Variants in VTCN1 observed in about 807,000 individuals in gnomAD.
VTCN1 encodes V-set domain-containing T-cell activation inhibitor 1.
In VTCN1, 26 loss-of-function variants were observed where a neutral mutation model predicts 26.5. The observed-to-expected ratio is 0.98, with a 90% CI of 0.72 to 1.36. The LOEUF (loss-of-function observed/expected upper bound fraction) is 1.36. VTCN1 is among the 40% of genes most tolerant of loss of function. The probability of loss-of-function intolerance (pLI) is 0.00; values close to 1 mark genes in which losing one functional copy is unlikely to be tolerated. For missense variants in VTCN1, 298 were observed against 337.7 expected (o/e 0.88, Z 0.92); for synonymous variants, 116 against 130.7 (o/e 0.89, Z 0.77).
At chr1:117,162,564 G>T (rs896193320) in intron 2 of VTCN1, among the ~76,000 whole-genome samples, 4 of 152,114 alleles carry the variant, frequency 2.6e-5, no homozygotes, top group African/African-American at 9.7e-5. Flanking sequence ...TATTGATAGA[G>T]AATTCTATTA....
chr1:117,196,563 G>A (rs1648523476), intron 1 of VTCN1, among the ~76,000 whole-genome samples: 1 of 151,280 alleles, frequency 6.6e-6, no homozygotes, highest in Non-Finnish European at 1.5e-5. Flanking sequence ...AAACAAACAA[G>A]GAAAACATAT....
intron 2 of VTCN1, among the ~76,000 whole-genome samples, chr1:117,160,652 T>G (rs1372489291): frequency 6.6e-6 from 1 of 152,210 alleles, no homozygotes; most frequent in Non-Finnish European, 1.5e-5. Context: ...GTCCATTCTG[T>G]CTGTCTGTAT....
At chr1:117,197,527 C>T (rs771554643) in intron 1 of VTCN1, among the ~76,000 whole-genome samples, 19 of 152,136 alleles carry the variant, frequency 1.2e-4, no homozygotes, top group Middle Eastern at 3.4e-3. Context: ...ACTGAGTAAA[C>T]GACTTTGAAC....
intron 2 of VTCN1, among the ~76,000 whole-genome samples, chr1:117,157,568 A>T (rs755642979): frequency 6.6e-6 from 1 of 152,118 alleles, no homozygotes; most frequent in Non-Finnish European, 1.5e-5. Context: ...GATTCAAATG[A>T]TCTCCCACTG....
intron 1 of VTCN1, among the ~76,000 whole-genome samples, chr1:117,188,058 T>C (rs12065104): frequency 0.022 from 3,338 of 152,272 alleles, 131 homozygotes; most frequent in African/African-American, 0.076. Flanking sequence ...TTTTTTCTTC[T>C]GTGCTATGTA....
At chr1:117,210,271 G>A (rs1271123994) in intron 1 of VTCN1, among the ~76,000 whole-genome samples, 1 of 151,856 alleles carries the variant, frequency 6.6e-6, no homozygotes, top group Non-Finnish European at 1.5e-5. Flanking sequence ...GAGCTCCTAG[G>A]AAAACTAGGG....
At chr1:117,199,792 C>T (rs1176090604) in intron 1 of VTCN1, among the ~76,000 whole-genome samples, 3 of 151,910 alleles carry the variant, frequency 2.0e-5, no homozygotes, top group Admixed American at 6.6e-5. Context: ...TGTGCCACCA[C>T]GCCTGGCTAA....
At chr1:117,162,116 G>A (rs1030781252) in intron 2 of VTCN1, among the ~76,000 whole-genome samples, 1 of 152,148 alleles carries the variant, frequency 6.6e-6, no homozygotes, top group African/African-American at 2.4e-5. Flanking sequence ...CATTAATGAT[G>A]TGGCAGATGG....
intron 1 of VTCN1, among the ~76,000 whole-genome samples, chr1:117,172,786 T>C (rs1223671039): frequency 6.6e-6 from 1 of 151,710 alleles, no homozygotes; most frequent in Non-Finnish European, 1.5e-5. Context: ...GTCTGAAGGA[T>C]TGTAAATGCA....
At position 117,153,310 on chromosome 1, in the gene VTCN1, C is replaced by T; in HGVS notation, c.505G>A (p.Glu169Lys). The T allele has an allele frequency of 1.9e-6, 3 of 1,614,076 alleles. No homozygotes were observed. The highest frequency in any genetic ancestry group is 2.5e-6 in the Non-Finnish European group (3 of 1,179,994). The change falls in exon 4 of 6, where the codon GAG (glutamate) becomes AAG (lysine). Residue 169 changes from glutamate to lysine, a missense_variant. Coordinates refer to ENST00000369458, the MANE Select transcript of VTCN1 (RefSeq NM_024626.4). ...GGCTGGGGGAACCATCGGGGAGCCT[C>T]ACACCGCAAGGTCTCTGAGCTGGCA... ...YNASSETLRCEAPRWFPQPTV... is the reference protein window; with the variant it reads ...YNASSETLRCKAPRWFPQPTV...
chr1:117,203,734 A>T (rs1027838900), intron 1 of VTCN1: 1 of 985,338 alleles, frequency 1.0e-6, no homozygotes, highest in Admixed American at 6.1e-5. Context: ...ATTTATATCT[A>T]TCTGGATTAA....
chr1:117,173,241 G>A (rs1239030760), intron 1 of VTCN1: 1 of 709,580 alleles, frequency 1.4e-6, no homozygotes, highest in Non-Finnish European at 2.6e-6. Flanking sequence ...CCCACCAGAA[G>A]GAATAAATTC....
intron 4 of VTCN1, among the ~76,000 whole-genome samples, chr1:117,151,004 TATCTACTC>T (rs1168981394): frequency 2.0e-5 from 3 of 152,206 alleles, no homozygotes; most frequent in African/African-American, 7.2e-5. Flanking sequence ...ATATTTTGTT[TATCTACTC>T]ATCTACTAAT....
At chr1:117,156,440 G>A (rs1652071520) in intron 3 of VTCN1, 134 bp downstream of exon 3, 2 of 1,008,210 alleles carry the variant, frequency 2.0e-6, no homozygotes, top group East Asian at 2.7e-5. Context: ...CCATAAAATG[G>A]CAAAAACAGC....
intron 1 of VTCN1, among the ~76,000 whole-genome samples, chr1:117,209,801 C>T (rs1363146382): frequency 2.0e-5 from 3 of 152,188 alleles, no homozygotes; most frequent in African/African-American, 2.4e-5. Context: ...AAACGTGAGT[C>T]GAGTCAGGGG....
chr1:117,151,493 G>A (rs766570060), intron 4 of VTCN1, among the ~76,000 whole-genome samples: 9 of 151,052 alleles, frequency 6.0e-5, no homozygotes, highest in Admixed American at 5.9e-4. Context: ...GGCTCCAGTG[G>A]CCAGCTTTTA....
rs998544702 is a variant in VTCN1, at chr1:117,185,217, G to T, written c.33-15046C>A. Among the ~76,000 whole-genome samples the T allele has an allele frequency of 2.2e-4, 34 of 152,098 alleles. 1 individual carries two copies. The highest frequency in any genetic ancestry group is 4.4e-4 in the Non-Finnish European group (30 of 68,024). ...TCCAAGTGGTCACTTCAAGTCTCAGGTTTCTTCCTGAGAAACCCAGGAAAG... is the reference window on the plus strand; with the variant it reads ...TCCAAGTGGTCACTTCAAGTCTCAGTTTTCTTCCTGAGAAACCCAGGAAAG... On this transcript the variant is annotated intron_variant, in intron 1 of 5. Coordinates refer to ENST00000369458, the MANE Select transcript of VTCN1 (RefSeq NM_024626.4).
At chr1:117,195,262 AAAT>A (rs61710825) in intron 1 of VTCN1, among the ~76,000 whole-genome samples, 7,302 of 142,404 alleles carry the variant, frequency 0.051, 271 homozygotes, top group African/African-American at 0.1. Context: ...CTCCGTCTCA[AAAT>A]AATAATAATA....
At position 117,175,781 on chromosome 1, in the gene VTCN1, T is replaced by C. The variant is rs1412475529; in HGVS notation, c.33-5610A>G. Among the ~76,000 whole-genome samples the C allele has an allele frequency of 6.6e-6, 1 of 151,254 alleles. No individual in the cohort carries two copies. Among genetic ancestry groups the C allele is most frequent in the Non-Finnish European group, 1.5e-5 (1 of 67,800 alleles). ...TCTCTCTCTCTCTCTCTCTTTTTTT[T>C]TTTTTTTGAGATGGAGTTTCACTCT... On this transcript the variant is annotated intron_variant, in intron 1 of 5. Coordinates refer to ENST00000369458, the MANE Select transcript of VTCN1 (RefSeq NM_024626.4). This position sits in a 1 kb window ranked among gnomAD's most constrained non-coding sequence, Gnocchi z 4.2.
Sources: allele counts gnomAD v4.1 joint callset (sites outside exome capture counted in the v4.1 genomes callset), GRCh38; gene constraint gnomAD v4.1.1; non-coding constraint Gnocchi (gnomAD v3.1); transcripts MANE v1.5; gene names NCBI Gene and HGNC (gene_info 2026-07-23, HGNC 2026-07-21).